Variants in TSHZ3 observed in about 807,000 individuals in gnomAD.
TSHZ3 encodes the protein teashirt zinc finger homeobox 3.
Under a neutral mutation model 64.5 loss-of-function variants are expected in TSHZ3, and 10 were observed. The observed-to-expected ratio is 0.16, with a 90% confidence interval of 0.10 to 0.26. The LOEUF (loss-of-function observed/expected upper bound fraction) is 0.26. Among genes scored for constraint, TSHZ3 ranks in the 10% least tolerant of loss-of-function variants. The probability of loss-of-function intolerance (pLI) is 1.00; values close to 1 mark genes in which losing one functional copy is unlikely to be tolerated. For synonymous variants in TSHZ3, 608 were observed against 593.1 expected (o/e 1.03, Z -0.36); for missense variants, 1,242 against 1,421.7 (o/e 0.87, Z 2.03).
chr19:31,152,518 A>G (rs1183267887), intron 6 of TSHZ3, among the ~76,000 whole-genome samples: 1 of 152,140 alleles, frequency 6.6e-6, no homozygotes, highest in Admixed American at 6.6e-5. Context: ...CAGCCTTTTC[A>G]TGGCTTTGAG....
At chr19:31,166,779 C>A (rs1201058971) in intron 5 of TSHZ3, among the ~76,000 whole-genome samples, 1 of 152,150 alleles carries the variant, frequency 6.6e-6, no homozygotes, top group African/African-American at 2.4e-5. Flanking sequence ...ACTATATGCC[C>A]CTACGGCATG....
Position 31,347,191 on chromosome 19 carries a change from TAA to T in TSHZ3, c.40+1987_40+1988del, listed in dbSNP as rs5827764. Reference sequence around the variant, plus strand: ...CTGAGATTTCCTGGCTGGCTTTCTTTAAAAAAAAAAAAAAAGTGTGAAAAGGT... The same window carrying T: ...CTGAGATTTCCTGGCTGGCTTTCTTTAAAAAAAAAAAAAGTGTGAAAAGGT... On this transcript the variant is annotated intron_variant, in intron 1 of 1. Transcript: ENST00000240587. Among the ~76,000 whole-genome samples the T allele has an allele frequency of 6.1e-3, 879 of 143,750 alleles. 24 individuals are homozygous for T. Among genetic ancestry groups the T allele is most frequent in the Admixed American group, 0.041 (595 of 14,524 alleles). The allele number at this position is 143,750 out of a possible 152,430, so 94.3% of individuals were successfully genotyped here. A position where few individuals can be genotyped will look rare whatever the true frequency, so the allele number is the denominator to read the frequency against.
At chr19:31,166,223 C>A (rs991773282) in intron 5 of TSHZ3, among the ~76,000 whole-genome samples, 1 of 152,082 alleles carries the variant, frequency 6.6e-6, no homozygotes, top group African/African-American at 2.4e-5. Context: ...GCCTGACCCT[C>A]GTGAAGGATT....
intron 1 of TSHZ3, among the ~76,000 whole-genome samples, chr19:31,338,463 G>T (rs1474499143): frequency 6.6e-6 from 1 of 152,182 alleles, no homozygotes; most frequent in East Asian, 1.9e-4. Flanking sequence ...TTCCTGAGAC[G>T]TGGAAGTCTT....
At chr19:31,296,755 T>G (rs1479114876) in intron 1 of TSHZ3, among the ~76,000 whole-genome samples, 6 of 151,924 alleles carry the variant, frequency 3.9e-5, no homozygotes, top group Non-Finnish European at 8.8e-5. Context: ...TCCCAGGGAG[T>G]GGGCATTTGG....
In TSHZ3 at chr19:31,209,911, TG is replaced by T. The variant is rs370062364; in HGVS notation, n.687-4834del. Among the ~76,000 whole-genome samples the T allele has an allele frequency of 6.8e-3, 1,035 of 151,898 alleles. 17 individuals are homozygous for T. The highest frequency in any genetic ancestry group is 0.024 in the African/African-American group (988 of 41,396). Reference sequence around the variant, plus strand: ...AGCCAAGGTGTGTGGAGTGGTTGGGTGGGGGGTTCAAGTCTAGGAACAAAGG... The same window carrying T: ...AGCCAAGGTGTGTGGAGTGGTTGGGTGGGGGTTCAAGTCTAGGAACAAAGG... On this transcript the variant is annotated intron_variant and non_coding_transcript_variant, in intron 4 of 6. Transcript: ENST00000651361.
intron 1 of TSHZ3, among the ~76,000 whole-genome samples, chr19:31,346,913 T>A (rs375625204): frequency 6.0e-5 from 9 of 150,986 alleles, no homozygotes; most frequent in African/African-American, 2.2e-4. Flanking sequence ...CTCCTCCACA[T>A]GTCCATTAGG....
intron 1 of TSHZ3, among the ~76,000 whole-genome samples, chr19:31,285,662 T>C (rs1329105511): frequency 1.3e-5 from 2 of 150,990 alleles, no homozygotes; most frequent in African/African-American, 4.9e-5. Flanking sequence ...CGGGTACCTG[T>C]AGTCCCAGCT....
intron 1 of TSHZ3, among the ~76,000 whole-genome samples, chr19:31,324,574 C>A (rs1436956481): frequency 6.6e-6 from 1 of 152,220 alleles, no homozygotes; most frequent in Admixed American, 6.5e-5. Context: ...AGTGACTTAC[C>A]ACTGGGTTTT....
intron 1 of TSHZ3, among the ~76,000 whole-genome samples, chr19:31,325,591 T>C (rs1407019611): frequency 7.9e-5 from 12 of 152,182 alleles, no homozygotes; most frequent in Admixed American, 7.9e-4. Flanking sequence ...GCGAAATGTG[T>C]GTGATCTTTT....
chr19:31,272,233 T>C (rs939966083), downstream of TSHZ3, among the ~76,000 whole-genome samples: 1 of 152,144 alleles, frequency 6.6e-6, no homozygotes, highest in Non-Finnish European at 1.5e-5. Context: ...CTGGACGGCT[T>C]AGAGGGCCTT....
chr19:31,247,140 T>C (rs959272567), intron 1 of TSHZ3, among the ~76,000 whole-genome samples: 1 of 152,156 alleles, frequency 6.6e-6, no homozygotes, highest in Non-Finnish European at 1.5e-5. Context: ...ATCATCATCA[T>C]CCTTGAATCA....
intron 5 of TSHZ3, among the ~76,000 whole-genome samples, chr19:31,164,365 G>A (rs1974414342): frequency 6.6e-6 from 1 of 152,076 alleles, no homozygotes; most frequent in South Asian, 2.1e-4. Context: ...AGGTATGCAG[G>A]ATTGCATACT....
chr19:31,198,601 A>T (rs1030935060), intron 5 of TSHZ3, among the ~76,000 whole-genome samples: 7 of 152,188 alleles, frequency 4.6e-5, no homozygotes, highest in Non-Finnish European at 8.8e-5. Flanking sequence ...AAAGGTTAAT[A>T]CACAAAAGTC....
At chr19:31,326,021 G>A (rs759874077) in intron 1 of TSHZ3, among the ~76,000 whole-genome samples, 8 of 152,062 alleles carry the variant, frequency 5.3e-5, no homozygotes, top group Non-Finnish European at 1.0e-4. Flanking sequence ...TTAACATTCC[G>A]CTTTATTTGC....
intron 1 of TSHZ3, among the ~76,000 whole-genome samples, chr19:31,324,687 T>C (rs759054891): frequency 3.3e-5 from 5 of 152,228 alleles, no homozygotes; most frequent in Non-Finnish European, 5.9e-5. Flanking sequence ...CTGTCTCCAC[T>C]ACCATTGCTT....
At position 31,238,255 on chromosome 19, in the gene TSHZ3, A is replaced by ATTTTT. The variant is rs372232422; in HGVS notation, n.550+4009_550+4013dup. Among the ~76,000 whole-genome samples the ATTTTT allele has an allele frequency of 3.1e-3, 423 of 134,546 alleles. 4 individuals are homozygous for ATTTTT. Among genetic ancestry groups the ATTTTT allele is most frequent in the African/African-American group, 0.011 (406 of 36,334 alleles). 88.3% of individuals were successfully genotyped at this position (134,546 alleles called of 152,430 possible). On this transcript the variant is annotated intron_variant and non_coding_transcript_variant, in intron 3 of 6. Coordinates refer to the TSHZ3 transcript ENST00000651361. ...ATTTCTGTTAATGTTTCCTTCGTGA[A>ATTTTT]TTTTTTTTTTTTTTTTTTGAGACAG...
intron 5 of TSHZ3, among the ~76,000 whole-genome samples, chr19:31,200,737 C>T (rs961560183): frequency 4.6e-5 from 7 of 151,872 alleles, no homozygotes; most frequent in Admixed American, 2.6e-4. Context: ...TGGGTGGTGA[C>T]GATGTGTTAA....
chr19:31,192,632 C>T (rs942470242), intron 5 of TSHZ3, among the ~76,000 whole-genome samples: 4 of 152,114 alleles, frequency 2.6e-5, no homozygotes, highest in Admixed American at 2.6e-4. Flanking sequence ...TTATTTTTAT[C>T]ATCCAACATT....
Sources: allele counts gnomAD v4.1 joint callset (sites outside exome capture counted in the v4.1 genomes callset), GRCh38; gene constraint gnomAD v4.1.1; transcripts MANE v1.5; gene names NCBI Gene and HGNC (gene_info 2026-07-23, HGNC 2026-07-21).